The following ARHGAP28 variants were observed in gnomAD, a reference collection of about 807,000 sequenced individuals.
The protein encoded by ARHGAP28 is Rho GTPase activating protein 28, also known as rho GTPase-activating protein 28.
ARHGAP28 carries 56 observed loss-of-function variants against 90.7 expected under a neutral mutation model. That is an observed-to-expected ratio of 0.62 (90% CI 0.50 to 0.77). The LOEUF is 0.77. Ranked by LOEUF, ARHGAP28 falls within the 30% of genes least tolerant of loss-of-function variation. The pLI, the probability that ARHGAP28 is intolerant of heterozygous loss-of-function variation, is 0.00. For synonymous variants in ARHGAP28, 308 were observed against 323.3 expected (o/e 0.95, Z 0.51); for missense variants, 869 against 900.9 (o/e 0.96, Z 0.45).
At chr18:6,898,240 G>GTAC (rs1333960799) in intron 16 of ARHGAP28, 9 of 417,874 alleles carry the variant, frequency 2.2e-5, no homozygotes, top group Non-Finnish European at 3.4e-5. Context: ...TGGAAGGTAG[G>GTAC]GGGTGGAGGA....
chr18:6,777,252 AAT>A (rs1178147660), intron 1 of ARHGAP28, among the ~76,000 whole-genome samples: 2 of 152,280 alleles, frequency 1.3e-5, no homozygotes, highest in African/African-American at 4.8e-5. Flanking sequence ...GAATCTATCT[AAT>A]ATAGAGGGAG....
chr18:6,794,740 G>A (rs896221067), intron 1 of ARHGAP28, among the ~76,000 whole-genome samples: 4 of 152,082 alleles, frequency 2.6e-5, no homozygotes, highest in Admixed American at 6.5e-5. Context: ...GCAGTGCAGT[G>A]ACACAGATCA....
chr18:6,804,835 T>C (rs996079752), intron 1 of ARHGAP28, among the ~76,000 whole-genome samples: 1 of 152,254 alleles, frequency 6.6e-6, no homozygotes, highest in Non-Finnish European at 1.5e-5. Context: ...AGTATCTATA[T>C]TGGTAAATGT....
At chr18:6,751,663 C>T (rs532234684) in intron 1 of ARHGAP28, among the ~76,000 whole-genome samples, 1 of 152,322 alleles carries the variant, frequency 6.6e-6, no homozygotes, top group African/African-American at 2.4e-5. Context: ...CTTGTGGGCA[C>T]ATACAAACTG....
At chr18:6,889,281 C>T (rs1028863284) in intron 12 of ARHGAP28, among the ~76,000 whole-genome samples, 4 of 151,868 alleles carry the variant, frequency 2.6e-5, no homozygotes, top group Admixed American at 1.3e-4. Flanking sequence ...TTTTTTAATG[C>T]TTAGAAGACC....
chr18:6,826,476 GTT>G (rs906722178), intron 2 of ARHGAP28, among the ~76,000 whole-genome samples: 1 of 146,224 alleles, frequency 6.8e-6, no homozygotes, highest in African/African-American at 2.5e-5. Flanking sequence ...AAGCTCTTTA[GTT>G]TTTTTTTTTT....
chr18:6,761,966 G>A (rs547102386), intron 1 of ARHGAP28, among the ~76,000 whole-genome samples: 18 of 152,220 alleles, frequency 1.2e-4, no homozygotes, highest in Admixed American at 1.0e-3. Context: ...AATAACCAGC[G>A]GTCTACAGGC....
rs2056629452 is a variant in ARHGAP28 at position 6,821,889 on chromosome 18, G to A, written c.123-2873G>A. Among the ~76,000 whole-genome samples the A allele has an allele frequency of 2.0e-5, 3 of 152,076 alleles. No individual in the cohort carries two copies. The South Asian group carries it at 6.2e-4, about 31-fold the overall frequency. On this transcript the variant is annotated intron_variant, in intron 1 of 17. Coordinates refer to ENST00000383472, the MANE Select transcript of ARHGAP28 (RefSeq NM_001366230.1). ...TGAAATATCATCATTAGCCCTAAAT[G>A]TATCTTCCCCTTGTCTTCTGTGATT...
chr18:6,733,415 C>T (rs1026085829), intron 1 of ARHGAP28, among the ~76,000 whole-genome samples: 2 of 152,072 alleles, frequency 1.3e-5, no homozygotes, highest in African/African-American at 4.8e-5. Context: ...CCACACCCCC[C>T]GTTTCTTTAA....
chr18:6,873,647 CT>C (rs753816928), intron 8 of ARHGAP28, 36 bp from the exon 9 acceptor site: 44,612 of 951,144 alleles, frequency 0.047, 229 homozygotes, highest in African/African-American at 0.11. Context: ...TTTTCTAATT[CT>C]TTTTTTTTTT....
intron 11 of ARHGAP28, among the ~76,000 whole-genome samples, chr18:6,883,320 C>A (rs1600283916): frequency 6.6e-6 from 1 of 151,394 alleles, no homozygotes; most frequent in East Asian, 2.0e-4. Flanking sequence ...CTCACAGCAA[C>A]CTCCACCCCC....
intron 3 of ARHGAP28, among the ~76,000 whole-genome samples, chr18:6,848,435 G>A (rs1014319958): frequency 2.0e-5 from 3 of 152,154 alleles, no homozygotes; most frequent in African/African-American, 7.2e-5. Context: ...CTCACTAAGT[G>A]CCTAGCACTC....
chr18:6,769,205 C>T (rs2056223580), intron 1 of ARHGAP28, among the ~76,000 whole-genome samples: 1 of 151,876 alleles, frequency 6.6e-6, no homozygotes, highest in Non-Finnish European at 1.5e-5. Flanking sequence ...GTTGGCATCC[C>T]AGATAGGAAG....
chr18:6,895,837 CAT>C (rs2057300816), intron 15 of ARHGAP28, among the ~76,000 whole-genome samples: 1 of 152,180 alleles, frequency 6.6e-6, no homozygotes, highest in Non-Finnish European at 1.5e-5. Context: ...CAAACCATAA[CAT>C]ATTTATTCTA....
At chr18:6,831,495 T>C (rs1446480723) in intron 2 of ARHGAP28, among the ~76,000 whole-genome samples, 1 of 149,330 alleles carries the variant, frequency 6.7e-6, no homozygotes, top group African/African-American at 2.4e-5. Flanking sequence ...TTTCTTTTTT[T>C]TTTTTTATTA....
At chr18:6,803,508 C>T (rs1310994463) in intron 1 of ARHGAP28, among the ~76,000 whole-genome samples, 1 of 151,860 alleles carries the variant, frequency 6.6e-6, no homozygotes, top group Non-Finnish European at 1.5e-5. Flanking sequence ...ATACTTGTGT[C>T]TGTGTATATA....
chr18:6,758,514 G>A (rs1439881451), intron 1 of ARHGAP28, among the ~76,000 whole-genome samples: 1 of 152,182 alleles, frequency 6.6e-6, no homozygotes, highest in Non-Finnish European at 1.5e-5. Flanking sequence ...AGCAGAGATG[G>A]GGTGTCTCCA....
intron 1 of ARHGAP28, among the ~76,000 whole-genome samples, chr18:6,763,478 A>C (rs755102660): frequency 8.5e-5 from 13 of 152,132 alleles, no homozygotes; most frequent in Non-Finnish European, 1.8e-4. Flanking sequence ...CTTTTTCCTC[A>C]GTTCTTATTT....
chr18:6,891,041 TAGA>T (rs1363558572), intron 14 of ARHGAP28, among the ~76,000 whole-genome samples: 2 of 152,258 alleles, frequency 1.3e-5, no homozygotes, highest in Non-Finnish European at 2.9e-5. Flanking sequence ...CAACAAGTTT[TAGA>T]AGAATTAACT....
Sources: allele counts gnomAD v4.1 joint callset (sites outside exome capture counted in the v4.1 genomes callset), GRCh38; gene constraint gnomAD v4.1.1; transcripts MANE v1.5; gene names NCBI Gene and HGNC (gene_info 2026-07-23, HGNC 2026-07-21).